SMOC1: variants seen among roughly 807,000 people sequenced by gnomAD.
SMOC1 encodes SPARC-related modular calcium-binding protein 1.
SMOC1 carries 22 observed loss-of-function variants against 56.3 expected under a neutral mutation model. The ratio of observed to expected loss-of-function variants is 0.39; its 90% confidence interval spans 0.28 to 0.56. The LOEUF (loss-of-function observed/expected upper bound fraction) is 0.56, where lower values mean the gene tolerates loss of function less well. Among genes scored for constraint, SMOC1 ranks in the 20% least tolerant of loss-of-function variants. SMOC1 has a pLI of 0.61. For missense variants in SMOC1, 509 were observed against 565.4 expected, an observed-to-expected ratio of 0.90 and a Z score of 1.01; for synonymous variants, 193 against 215.0, an observed-to-expected ratio of 0.90 and a Z score of 0.89.
At chr14:69,916,607 A>T (rs1369854761) in intron 1 of SMOC1, among the ~76,000 whole-genome samples, 1 of 152,086 alleles carries the variant, frequency 6.6e-6, no homozygotes, top group African/African-American at 2.4e-5. Flanking sequence ...ACTTGGGTCC[A>T]TTTCCTCCTT....
At chr14:69,952,740 T>C (rs549290968) in intron 2 of SMOC1, among the ~76,000 whole-genome samples, 1 of 152,342 alleles carries the variant, frequency 6.6e-6, no homozygotes, top group South Asian at 2.1e-4. Flanking sequence ...TGGCTTTTTG[T>C]CCTTCTTTTC....
At chr14:70,016,048 C>T (rs1310011328) in intron 10 of SMOC1, among the ~76,000 whole-genome samples, 1 of 152,224 alleles carries the variant, frequency 6.6e-6, no homozygotes, top group African/African-American at 2.4e-5. Flanking sequence ...CCCACCTGCA[C>T]TTCTGCCTGA....
intron 1 of SMOC1, among the ~76,000 whole-genome samples, chr14:69,948,425 T>C (rs1566684524): frequency 6.6e-6 from 1 of 152,196 alleles, no homozygotes; most frequent in Non-Finnish European, 1.5e-5. Context: ...TGTGTTGGGA[T>C]GGGTGGGGCC....
chr14:69,941,704 A>G (rs1250719021), intron 1 of SMOC1, among the ~76,000 whole-genome samples: 1 of 152,100 alleles, frequency 6.6e-6, no homozygotes, highest in Non-Finnish European at 1.5e-5. Context: ...TCTCTCCCCA[A>G]CCTGGCCCTA....
intron 1 of SMOC1, among the ~76,000 whole-genome samples, chr14:69,931,643 A>G (rs1218823524): frequency 1.3e-5 from 2 of 152,248 alleles, no homozygotes; most frequent in Admixed American, 6.5e-5. Flanking sequence ...CTAGAGAGCC[A>G]TTAGATGTTT....
At chr14:69,949,395 G>A (rs1374902092) in intron 1 of SMOC1, among the ~76,000 whole-genome samples, 1 of 152,206 alleles carries the variant, frequency 6.6e-6, no homozygotes, top group South Asian at 2.1e-4. Context: ...GAGGGCCCCA[G>A]GATTGTGCTA....
intron 1 of SMOC1, among the ~76,000 whole-genome samples, chr14:69,919,063 C>T (rs547818375): frequency 9.1e-4 from 139 of 152,324 alleles, no homozygotes; most frequent in African/African-American, 3.1e-3. Flanking sequence ...TCTGAGAATG[C>T]ACACACTTGA....
At chr14:70,005,081 T>G (rs1885103720) in intron 7 of SMOC1, among the ~76,000 whole-genome samples, 1 of 152,228 alleles carries the variant, frequency 6.6e-6, no homozygotes, top group Admixed American at 6.5e-5. Flanking sequence ...GTTCCTCCTC[T>G]GGAAGGCAGT....
intron 3 of SMOC1, among the ~76,000 whole-genome samples, chr14:69,969,973 C>T (rs1009592598): frequency 6.6e-6 from 1 of 152,120 alleles, no homozygotes; most frequent in African/African-American, 2.4e-5. Flanking sequence ...CTGGTTTCCT[C>T]TCTGGTTTCC....
chr14:69,959,419 A>G (rs1012635866), intron 3 of SMOC1, among the ~76,000 whole-genome samples: 1 of 152,146 alleles, frequency 6.6e-6, no homozygotes, highest in Non-Finnish European at 1.5e-5. Flanking sequence ...CATTCCCAAG[A>G]TATTTTAATT....
chr14:69,940,674 A>T (rs937253680), intron 1 of SMOC1, among the ~76,000 whole-genome samples: 1 of 152,092 alleles, frequency 6.6e-6, no homozygotes, highest in African/African-American at 2.4e-5. Context: ...ATAATCCATG[A>T]TCTCTTGGAT....
At chr14:69,973,440 A>G (rs114001810) in intron 3 of SMOC1, among the ~76,000 whole-genome samples, 1 of 152,196 alleles carries the variant, frequency 6.6e-6, no homozygotes, top group Non-Finnish European at 1.5e-5. Flanking sequence ...ATCCACGTCT[A>G]TCTGGATTTT....
At chr14:70,002,479 T>A (rs536762531) in intron 7 of SMOC1, among the ~76,000 whole-genome samples, 2 of 152,300 alleles carry the variant, frequency 1.3e-5, no homozygotes, top group African/African-American at 4.8e-5. Context: ...TCTGGGCCAG[T>A]TGTCTACCCT....
chr14:69,965,508 T>C (rs1883541487), intron 3 of SMOC1, among the ~76,000 whole-genome samples: 1 of 152,164 alleles, frequency 6.6e-6, no homozygotes, highest in Non-Finnish European at 1.5e-5. Context: ...CCAGGATCAC[T>C]GAGTACAGTA....
At chr14:69,949,413 G>A (rs1005290074) in intron 1 of SMOC1, among the ~76,000 whole-genome samples, 2 of 152,322 alleles carry the variant, frequency 1.3e-5, no homozygotes, top group Non-Finnish European at 2.9e-5. Context: ...CTAGATGCTC[G>A]GGGGAGGTGT....
intron 1 of SMOC1, among the ~76,000 whole-genome samples, chr14:69,909,493 G>T (rs1356951233): frequency 4.6e-5 from 7 of 152,166 alleles, no homozygotes; most frequent in Non-Finnish European, 1.0e-4. Flanking sequence ...GTGTCTAGGT[G>T]GTGGAAAGTT....
intron 7 of SMOC1, among the ~76,000 whole-genome samples, chr14:70,008,099 G>T (rs1159716982): frequency 1.3e-5 from 2 of 151,804 alleles, no homozygotes; most frequent in East Asian, 1.9e-4. Context: ...TTCCAAATTA[G>T]TGAGCTTTAT....
chr14:69,933,346 G>A (rs575273425), intron 1 of SMOC1, among the ~76,000 whole-genome samples: 1 of 148,410 alleles, frequency 6.7e-6, no homozygotes, highest in Non-Finnish European at 1.5e-5. Context: ...CATTATGGCT[G>A]TTTCTGAAAA....
At chr14:69,975,238 G>T (rs1386990255) in intron 3 of SMOC1, among the ~76,000 whole-genome samples, 1 of 152,156 alleles carries the variant, frequency 6.6e-6, no homozygotes, top group Non-Finnish European at 1.5e-5. Flanking sequence ...AGCTACTTGG[G>T]AGGCTGAGGC....
Sources: allele counts gnomAD v4.1 joint callset (sites outside exome capture counted in the v4.1 genomes callset), GRCh38; gene constraint gnomAD v4.1.1; transcripts MANE v1.5; gene names NCBI Gene and HGNC (gene_info 2026-07-23, HGNC 2026-07-21).